FRYL: variants seen among roughly 807,000 people sequenced by gnomAD.
The protein encoded by FRYL is protein furry homolog-like.
FRYL carries 150 observed loss-of-function variants against 351.2 expected under a neutral mutation model. The ratio of observed to expected loss-of-function variants is 0.43; its 90% CI spans 0.37 to 0.49. The LOEUF (loss-of-function observed/expected upper bound fraction) is 0.49, where lower values mean the gene tolerates loss of function less well. FRYL is among the 20% of genes least tolerant of loss of function. The pLI is 0.00. For missense variants in FRYL, 3,036 were observed against 3,619.3 expected (o/e 0.84, Z 4.13); for synonymous variants, 1,153 against 1,257.1 (o/e 0.92, Z 1.75).
chr4:48,760,942 T>C (rs1196643558), intron 1 of FRYL, among the ~76,000 whole-genome samples: 1 of 151,706 alleles, frequency 6.6e-6, no homozygotes, highest in Non-Finnish European at 1.5e-5. Flanking sequence ...TCTCCCAAAG[T>C]GCTGCGATTA....
intron 56 of FRYL, among the ~76,000 whole-genome samples, chr4:48,513,428 T>G (rs2148782913): frequency 6.6e-6 from 1 of 152,244 alleles, no homozygotes; most frequent in South Asian, 2.1e-4. Flanking sequence ...TAAAGTCAGA[T>G]TATACAAACA....
chr4:48,507,077 T>A (rs1206790742), intron 59 of FRYL, among the ~76,000 whole-genome samples: 1 of 152,220 alleles, frequency 6.6e-6, no homozygotes. Flanking sequence ...TTATGCCTTA[T>A]CTTGTCCAGT....
chr4:48,519,634 A>G (rs1176445034), intron 55 of FRYL, among the ~76,000 whole-genome samples: 1 of 138,198 alleles, frequency 7.2e-6, no homozygotes, highest in Non-Finnish European at 1.6e-5. Flanking sequence ...TCCCGAGTAG[A>G]TGGGACTACA....
chr4:48,765,051 GCCAAGCTGCTCT>G (rs776004564), intron 1 of FRYL, among the ~76,000 whole-genome samples: 6 of 152,026 alleles, frequency 3.9e-5, no homozygotes, highest in Non-Finnish European at 8.8e-5. Context: ...CACCATGTTG[GCCAAGCTGCTCT>G]TGAACTCCTG....
At chr4:48,529,721 A>G (rs1727109010) in intron 50 of FRYL, among the ~76,000 whole-genome samples, 1 of 152,234 alleles carries the variant, frequency 6.6e-6, no homozygotes, top group Admixed American at 6.5e-5. Flanking sequence ...TACTTGATCA[A>G]TAACTTCCTT....
intron 1 of FRYL, among the ~76,000 whole-genome samples, chr4:48,711,966 G>A (rs1212925993): frequency 1.3e-5 from 2 of 152,248 alleles, no homozygotes; most frequent in Non-Finnish European, 2.9e-5. Context: ...AGGGTCTGGA[G>A]TGGACCTTTA....
intron 1 of FRYL, among the ~76,000 whole-genome samples, chr4:48,769,129 G>A (rs1186308818): frequency 1.3e-5 from 2 of 152,058 alleles, no homozygotes; most frequent in Non-Finnish European, 2.9e-5. Context: ...ATGAGACCCT[G>A]TCTCAAAAAA....
In FRYL at chr4:48,592,822, T is replaced by C. The variant is rs556803159; in HGVS notation, c.1335+1108A>G. ...AATTATTAAACTATCTTAAAAATAT[T>C]ACAAATGAAAAGCTGCATTATCTTT... On this transcript the variant is annotated intron_variant, in intron 16 of 63. Transcript: ENST00000358350. Among the ~76,000 whole-genome samples, 31 of 152,308 alleles carry C rather than the reference T, an allele frequency of 2.0e-4. 1 individual carries two copies. The South Asian group carries it at 6.0e-3, about 30-fold the overall frequency.
In FRYL at chr4:48,498,879, T is replaced by C. The variant is rs1159027912; in HGVS notation, c.*543A>G. ...AAAAACAAAAAAACCCAAACCCTTA[T>C]CCCACATACTGAAAAATCAATGGTT... On this transcript the variant is annotated 3_prime_UTR_variant, in exon 64 of 64. Coordinates refer to ENST00000358350, the MANE Select transcript of FRYL (RefSeq NM_015030.2). 1 of 158,730 alleles carries C rather than the reference T, an allele frequency of 6.3e-6. No homozygotes were observed. The highest frequency in any genetic ancestry group is 1.4e-5 in the Non-Finnish European group (1 of 71,864). The allele number at this position is 158,730 out of a possible 1,614,324, so 9.8% of individuals were successfully genotyped here. A position where few individuals can be genotyped will look rare whatever the true frequency, so the allele number is the denominator to read the frequency against.
At chr4:48,760,221 G>A (rs1017505202) in intron 1 of FRYL, among the ~76,000 whole-genome samples, 10 of 152,006 alleles carry the variant, frequency 6.6e-5, no homozygotes, top group South Asian at 2.1e-4. Flanking sequence ...GAGTGCAGTA[G>A]TGCAATCTCA....
At chr4:48,748,910 T>G (rs1772958561) in intron 1 of FRYL, among the ~76,000 whole-genome samples, 1 of 152,204 alleles carries the variant, frequency 6.6e-6, no homozygotes, top group Non-Finnish European at 1.5e-5. Flanking sequence ...AACTTGACAT[T>G]TCAACACAGA....
chr4:48,654,189 CT>C (rs1270303498), intron 3 of FRYL, among the ~76,000 whole-genome samples: 1 of 151,538 alleles, frequency 6.6e-6, no homozygotes, highest in Non-Finnish European at 1.5e-5. Flanking sequence ...GTAAGAAGCT[CT>C]GCCCTTGGGT....
At chr4:48,502,070 C>T (rs1719808528) in intron 61 of FRYL, among the ~76,000 whole-genome samples, 1 of 152,118 alleles carries the variant, frequency 6.6e-6, no homozygotes, top group South Asian at 2.1e-4. Context: ...TCTACAAATG[C>T]AAAGACTTTT....
At chr4:48,602,813 A>G (rs1255435788) in intron 12 of FRYL, among the ~76,000 whole-genome samples, 1 of 152,204 alleles carries the variant, frequency 6.6e-6, no homozygotes, top group Non-Finnish European at 1.5e-5. Flanking sequence ...CTGAGGTTAC[A>G]ACATATTTTT....
intron 21 of FRYL, 126 bp from the exon 22 acceptor site, chr4:48,581,077 G>A (rs1309918703): frequency 4.3e-5 from 25 of 577,954 alleles, no homozygotes; most frequent in Non-Finnish European, 6.3e-5. Flanking sequence ...ACGGAGTCTC[G>A]CTCTGTCACC....
intron 8 of FRYL, 111 bp downstream of exon 8, chr4:48,609,633 A>AAAT: frequency 2.6e-5 from 14 of 530,248 alleles, no homozygotes; most frequent in Non-Finnish European, 4.0e-5. Context: ...AAAAAAAAAA[A>AAAT]GGAAGATAAG....
At position 48,548,780 on chromosome 4, in the gene FRYL, C is replaced by G; in HGVS notation, c.4798G>C (p.Val1600Leu). 1 of 1,601,716 alleles carries G rather than the reference C, an allele frequency of 6.2e-7. No individual in the cohort carries two copies. Among genetic ancestry groups the G allele is most frequent in the Non-Finnish European group, 8.5e-7 (1 of 1,170,184 alleles). ...ATGATGAGATCAGTCAAAAGGATCA[C>G]TGCTATGTTACACCTATGACAAATA... ...GLPLHRCNIA[V>L]ILLTDLIIDH... The change falls in exon 40 of 64, where the codon GTG becomes CTG. Residue 1600 changes from valine to leucine, a missense_variant. Val to Leu is a conservative substitution (Grantham distance 32). Transcript: ENST00000358350.
chr4:48,590,796 A>C lies in FRYL; in HGVS notation c.1370T>G (p.Ile457Arg), dbSNP rs1456476556. Reference protein sequence around the residue: ...MNIGLRVFLVIADSLQQKDGE... With the variant: ...MNIGLRVFLVRADSLQQKDGE... ...ATCTTTCTGCTGCAAACTGTCTGCT[A>C]TTACAAGGAAGACTCTGAGACCTAT... The change falls in exon 17 of 64, where the codon ATA (isoleucine) becomes AGA (arginine). Residue 457 changes from isoleucine to arginine, a missense_variant. Physicochemically the swap from Ile to Arg is moderately conservative, Grantham distance 97. Coordinates refer to ENST00000358350, the MANE Select transcript of FRYL (RefSeq NM_015030.2). 6.2e-7 allele frequency: 1 copy of C among 1,613,596 alleles called. No individual in the cohort carries two copies. Among genetic ancestry groups the C allele is most frequent in the Non-Finnish European group, 8.5e-7 (1 of 1,179,892 alleles).
chr4:48,635,919 T>C (rs1350063962), intron 3 of FRYL, among the ~76,000 whole-genome samples: 1 of 152,176 alleles, frequency 6.6e-6, no homozygotes, highest in Non-Finnish European at 1.5e-5. Context: ...AAATTTGTTC[T>C]AAATACATAA....
Sources: gnomAD v4.1 joint callset for allele counts (sites outside exome capture counted in the v4.1 genomes callset) on GRCh38, gnomAD v4.1.1 for gene constraint, MANE v1.5 for transcripts, NCBI Gene and HGNC (gene_info 2026-07-23, HGNC 2026-07-21) for gene names.